Variants in VXN observed in about 807,000 individuals in gnomAD.
VXN encodes the protein uncharacterized protein C8orf46.
A neutral mutation model predicts 23.1 loss-of-function variants in VXN; 7 were observed. The observed-to-expected ratio is 0.30, with a 90% CI of 0.17 to 0.57. The LOEUF (loss-of-function observed/expected upper bound fraction) is 0.57, where lower values mean the gene tolerates loss of function less well. Among genes scored for constraint, VXN ranks in the 20% least tolerant of loss-of-function variants. VXN has a pLI of 0.91. For missense variants in VXN, 238 were observed against 272.6 expected (o/e 0.87, Z 0.89); for synonymous variants, 120 against 105.8 (o/e 1.13, Z -0.83).
chr8:66,512,657 T>A (rs536661685), intron 4 of VXN, among the ~76,000 whole-genome samples: 25 of 152,270 alleles, frequency 1.6e-4, no homozygotes, highest in Admixed American at 7.8e-4. Flanking sequence ...CAGACCCTGT[T>A]ACCCACATAG....
At chr8:66,505,585 G>T (rs904928705) in intron 3 of VXN, 57 bp downstream of exon 3, 1 of 1,428,042 alleles carries the variant, frequency 7.0e-7, no homozygotes, top group South Asian at 1.5e-5. Flanking sequence ...GACCCACTCA[G>T]AGCCACCACA....
At chr8:66,494,772 G>T (rs1807607243) in intron 1 of VXN, 3 of 152,116 alleles carry the variant, frequency 2.0e-5, no homozygotes, top group Admixed American at 2.0e-4. Flanking sequence ...GTTGACCCTC[G>T]GAATCAGCAG....
intron 3 of VXN, among the ~76,000 whole-genome samples, chr8:66,506,626 A>G (rs1358021126): frequency 1.3e-5 from 2 of 152,168 alleles, no homozygotes; most frequent in Admixed American, 6.5e-5. Context: ...GCAACTTTGC[A>G]TATTATAAGG....
In VXN at chr8:66,509,867, T is replaced by C. The variant is rs369361775; in HGVS notation, c.281-229T>C. Among the ~76,000 whole-genome samples the C allele has an allele frequency of 5.9e-5, 9 of 152,194 alleles. No individual in the cohort carries two copies. The East Asian group carries it at 1.7e-3, about 29-fold the overall frequency. Reference sequence around the variant, plus strand: ...AGAGGGATATGTTTGTGATAGTCAATGAACCTACATAGACACACTGATCTT... The same window carrying C: ...AGAGGGATATGTTTGTGATAGTCAACGAACCTACATAGACACACTGATCTT... On this transcript the variant is annotated intron_variant, in intron 3 of 5. Transcript: ENST00000305454.
At chr8:66,500,930 A>G (rs1299992561) in intron 2 of VXN, among the ~76,000 whole-genome samples, 1 of 133,912 alleles carries the variant, frequency 7.5e-6, no homozygotes. Context: ...CTGGAGTGCC[A>G]TGGCGTGATC....
At position 66,517,068 on chromosome 8, in the gene VXN, T is replaced by C. The variant is rs1304653161; in HGVS notation, c.*992T>C. 2.6e-5 allele frequency: 4 copies of C among 152,248 alleles called. No homozygotes were observed. Among genetic ancestry groups the C allele is most frequent in the Non-Finnish European group, 4.4e-5 (3 of 68,044 alleles). The allele number at this position is 152,248 out of a possible 1,614,324, so 9.4% of individuals were successfully genotyped here. On this transcript the variant is annotated 3_prime_UTR_variant, in exon 6 of 6. Coordinates refer to ENST00000305454, the MANE Select transcript of VXN (RefSeq NM_152765.4). ...TAAGGGATTTGAATGAAATACACTA[T>C]TATATCTTATATGTTAGCTTGAACC...
At chr8:66,495,560 G>A (rs559418820) in intron 1 of VXN, among the ~76,000 whole-genome samples, 14 of 152,240 alleles carry the variant, frequency 9.2e-5, no homozygotes, top group Non-Finnish European at 1.6e-4. Flanking sequence ...ATTTTATTTT[G>A]TATTTAGAAT....
At chr8:66,497,257 C>A (rs1421302375) in intron 2 of VXN, among the ~76,000 whole-genome samples, 11 of 152,206 alleles carry the variant, frequency 7.2e-5, no homozygotes, top group Non-Finnish European at 1.6e-4. Context: ...AGGATAAGAA[C>A]AATTTCATCC....
chr8:66,513,273 C>T (rs773331405), intron 4 of VXN, among the ~76,000 whole-genome samples: 1 of 152,164 alleles, frequency 6.6e-6, no homozygotes, highest in Non-Finnish European at 1.5e-5. Context: ...AAAGTGGAGT[C>T]CCAGGACTAG....
At position 66,513,647 on chromosome 8, in the gene VXN, G is replaced by GCGTCT; in HGVS notation, c.440+12_440+16dup. 6.2e-7 allele frequency: 1 copy of GCGTCT among 1,611,092 alleles called. No individual in the cohort carries two copies. Among genetic ancestry groups the GCGTCT allele is most frequent in the Non-Finnish European group, 8.5e-7 (1 of 1,177,418 alleles). On this transcript the variant is annotated intron_variant, in intron 5 of 5. Transcript: ENST00000305454. The stretch of plus-strand genomic sequence containing the variant: ...CTGTTCTGATGAGAGGGTAAGTGCT[G>GCGTCT]CGTCTCTGGCCCCACTGCCTGTGGC...
intron 2 of VXN, among the ~76,000 whole-genome samples, chr8:66,499,373 C>T: frequency 6.6e-6 from 1 of 151,600 alleles, no homozygotes; most frequent in Non-Finnish European, 1.5e-5. Flanking sequence ...TCTGGGACTA[C>T]AGGCATGAGC....
intron 5 of VXN, 21 bp from the exon 6 acceptor site, chr8:66,515,872 C>G: frequency 1.3e-6 from 2 of 1,539,926 alleles, no homozygotes; most frequent in Non-Finnish European, 8.7e-7. Flanking sequence ...CCCTCCCCAC[C>G]CACTCCTGGC....
chr8:66,515,033 A>T (rs1051592978), intron 5 of VXN, among the ~76,000 whole-genome samples: 1 of 152,126 alleles, frequency 6.6e-6, no homozygotes, highest in Admixed American at 6.5e-5. Context: ...AAACAAAAAA[A>T]TTTTCTTTGA....
intron 2 of VXN, among the ~76,000 whole-genome samples, chr8:66,500,332 A>G (rs915193203): frequency 6.6e-6 from 1 of 152,216 alleles, no homozygotes; most frequent in African/African-American, 2.4e-5. Context: ...CCTTTTCCAG[A>G]ACAGCTGAGC....
At chr8:66,510,311 G>T (rs576869517) in intron 4 of VXN, 154 bp downstream of exon 4, 5 of 634,194 alleles carry the variant, frequency 7.9e-6, no homozygotes, top group Non-Finnish European at 1.3e-5. Context: ...GCTCCCAAAA[G>T]CTCTCAGTTG....
intron 4 of VXN, among the ~76,000 whole-genome samples, chr8:66,512,886 C>T (rs915486242): frequency 3.9e-5 from 6 of 152,298 alleles, no homozygotes; most frequent in South Asian, 4.1e-4. Context: ...GGCCGAGCTG[C>T]GTAGATAGAG....
At chr8:66,508,682 C>G (rs1013149042) in intron 3 of VXN, among the ~76,000 whole-genome samples, 47 of 152,216 alleles carry the variant, frequency 3.1e-4, no homozygotes, top group Non-Finnish European at 6.2e-4. Context: ...CTCCTTAACC[C>G]TGCAAGACCA....
intron 2 of VXN, among the ~76,000 whole-genome samples, chr8:66,504,877 G>T (rs969799811): frequency 6.6e-6 from 1 of 152,340 alleles, no homozygotes; most frequent in African/African-American, 2.4e-5. Flanking sequence ...CTGAGACTAA[G>T]TTGGGCCTGA....
rs967040449 is a variant in VXN at position 66,516,858 on chromosome 8, A to C, written c.*782A>C. On this transcript the variant is annotated 3_prime_UTR_variant, in exon 6 of 6. Transcript: ENST00000305454. ...TCCCAATCTGCAGAGGGGGAAATGG[A>C]GGCCTTCAGAGATTACAGGACCAGA... is the stretch of plus-strand genomic sequence containing the variant. 1 of 152,176 alleles carries C rather than the reference A, an allele frequency of 6.6e-6. No individual in the cohort carries two copies. The highest frequency in any genetic ancestry group is 1.5e-5 in the Non-Finnish European group (1 of 68,030). The allele number at this position is 152,176 out of a possible 1,614,324, so 9.4% of individuals were successfully genotyped here.
Sources: allele counts gnomAD v4.1 joint callset (sites outside exome capture counted in the v4.1 genomes callset), GRCh38; gene constraint gnomAD v4.1.1; transcripts MANE v1.5; gene names NCBI Gene and HGNC (gene_info 2026-07-23, HGNC 2026-07-21).